Variants in TNKS observed in about 807,000 individuals in gnomAD.
TNKS encodes the protein poly [ADP-ribose] polymerase tankyrase-1.
TNKS carries 72 observed loss-of-function variants against 135.8 expected under a neutral mutation model. That is an observed-to-expected ratio of 0.53 (90% confidence interval 0.44 to 0.64). TNKS has a LOEUF of 0.64. TNKS is among the 30% of genes least tolerant of loss of function. The probability of loss-of-function intolerance (pLI) is 0.00; values close to 1 mark genes in which losing one functional copy is unlikely to be tolerated. For missense variants in TNKS, 1,769 were observed against 1,674.0 expected, an observed-to-expected ratio of 1.06 and a Z score of -0.99; for synonymous variants, 849 against 649.3, an observed-to-expected ratio of 1.31 and a Z score of -4.68.
intron 3 of TNKS, among the ~76,000 whole-genome samples, chr8:9,630,860 G>T (rs1297312547): frequency 6.6e-6 from 1 of 152,136 alleles, no homozygotes; most frequent in African/African-American, 2.4e-5. Context: ...TTATGCTCTA[G>T]AAACATTCTC....
intron 2 of TNKS, among the ~76,000 whole-genome samples, chr8:9,593,818 G>T (rs1798674260): frequency 1.3e-5 from 2 of 152,082 alleles, no homozygotes; most frequent in Admixed American, 1.3e-4. Context: ...GGAAAGAAAT[G>T]TGGAATGAGT....
chr8:9,665,964 C>T (rs573760612), intron 3 of TNKS, among the ~76,000 whole-genome samples: 2 of 152,274 alleles, frequency 1.3e-5, no homozygotes, highest in Non-Finnish European at 2.9e-5. Context: ...TCTTCTTCCT[C>T]CCCTCCTCTT....
intron 3 of TNKS, among the ~76,000 whole-genome samples, chr8:9,677,768 A>G (rs541322266): frequency 6.6e-6 from 1 of 152,168 alleles, no homozygotes; most frequent in Non-Finnish European, 1.5e-5. Context: ...TTAGAGAGAC[A>G]TTCATGATGT....
intron 3 of TNKS, among the ~76,000 whole-genome samples, chr8:9,679,541 T>A (rs1005069027): frequency 1.3e-5 from 2 of 152,208 alleles, no homozygotes; most frequent in African/African-American, 4.8e-5. Flanking sequence ...TAGTAATTTG[T>A]ACCTTTAAAG....
At chr8:9,558,009 G>T (rs1488801508) in intron 1 of TNKS, 1 of 152,108 alleles carries the variant, frequency 6.6e-6, no homozygotes, top group Admixed American at 6.5e-5. Context: ...CCAATTTTTG[G>T]GAGAAGTAGT....
At chr8:9,579,768 C>A (rs1464401659) in intron 1 of TNKS, among the ~76,000 whole-genome samples, 2 of 152,156 alleles carry the variant, frequency 1.3e-5, no homozygotes, top group African/African-American at 4.8e-5. Flanking sequence ...CCCGGCTTAT[C>A]AGCAGTATTT....
At chr8:9,710,529 G>A in intron 11 of TNKS, 1 of 491,390 alleles carries the variant, frequency 2.0e-6, no homozygotes, top group Non-Finnish European at 3.6e-6. Flanking sequence ...TTTTGATAGT[G>A]TCCACTTGAA....
chr8:9,628,180 A>ACG (rs1800137730), intron 3 of TNKS, among the ~76,000 whole-genome samples: 1 of 140,528 alleles, frequency 7.1e-6, no homozygotes, highest in Non-Finnish European at 1.6e-5. Flanking sequence ...AAAAAAAAAC[A>ACG]TTCTTTTGTG....
chr8:9,726,522 A>G, intron 12 of TNKS, 119 bp from the exon 13 acceptor site: 5 of 659,656 alleles, frequency 7.6e-6, no homozygotes, highest in South Asian at 3.0e-5. Context: ...CAAACTAAAT[A>G]ATTTTTCCTC....
intron 2 of TNKS, among the ~76,000 whole-genome samples, chr8:9,593,987 A>G (rs1320218657): frequency 1.3e-5 from 2 of 152,106 alleles, no homozygotes; most frequent in Non-Finnish European, 2.9e-5. Flanking sequence ...CCTGGGTTCA[A>G]GCAATTCTGC....
chr8:9,706,770 A>G, intron 7 of TNKS, 41 bp from the exon 8 acceptor site: 1 of 1,548,514 alleles, frequency 6.5e-7, no homozygotes, highest in African/African-American at 1.4e-5. Context: ...TTGATCCAGC[A>G]AAATGATTAC....
intron 2 of TNKS, among the ~76,000 whole-genome samples, chr8:9,596,307 G>A (rs865795832): frequency 6.6e-6 from 1 of 152,052 alleles, no homozygotes; most frequent in African/African-American, 2.4e-5. Context: ...GCTTCCCTTT[G>A]TACAGTTTTA....
intron 22 of TNKS, 56 bp downstream of exon 22, chr8:9,763,300 C>T: frequency 8.0e-7 from 1 of 1,243,580 alleles, no homozygotes. Flanking sequence ...GGATAAACCT[C>T]TTTTTCTGGA....
At chr8:9,671,375 T>G (rs890385102) in intron 3 of TNKS, among the ~76,000 whole-genome samples, 1 of 152,206 alleles carries the variant, frequency 6.6e-6, no homozygotes, top group Admixed American at 6.5e-5. Context: ...AGCTGGTGAT[T>G]GGATAAACAA....
At chr8:9,606,158 T>TG (rs1554447162) in intron 2 of TNKS, among the ~76,000 whole-genome samples, 1 of 148,000 alleles carries the variant, frequency 6.8e-6, no homozygotes, top group Non-Finnish European at 1.5e-5. Context: ...TTTTGTGTTT[T>TG]TTTTTTTTCT....
At chr8:9,697,315 A>G (rs1413930395) in intron 5 of TNKS, among the ~76,000 whole-genome samples, 1 of 152,156 alleles carries the variant, frequency 6.6e-6, no homozygotes, top group Non-Finnish European at 1.5e-5. Context: ...ATGGATTAAG[A>G]ATTTAATTAT....
intron 3 of TNKS, among the ~76,000 whole-genome samples, chr8:9,634,899 C>A (rs776455738): frequency 6.6e-6 from 1 of 152,164 alleles, no homozygotes; most frequent in East Asian, 1.9e-4. Context: ...ACTGCTCGGC[C>A]GGGCGCGGTG....
Position 9,766,358 on chromosome 8 carries a change from G to T in TNKS, c.3673G>T (p.Val1225Phe). ...AENSSKSNQY[V>F]YGIGGGTGCP... ...AAACTCCTCAAAAAGCAACCAATAT[G>T]TTTATGGAATTGGAGGAGGAACAGG... The change falls in exon 25 of 27, where the codon GTT becomes TTT. Residue 1225 changes from valine to phenylalanine, a missense_variant. Physicochemically the swap from Val to Phe is conservative, Grantham distance 50. Transcript: ENST00000310430. 1 of 1,613,812 alleles carries T rather than the reference G, an allele frequency of 6.2e-7. No homozygotes were observed. The highest frequency in any genetic ancestry group is 8.5e-7 in the Non-Finnish European group (1 of 1,179,908).
chr8:9,715,731 A>G (rs757144241), intron 11 of TNKS, among the ~76,000 whole-genome samples: 3 of 152,324 alleles, frequency 2.0e-5, no homozygotes, highest in Non-Finnish European at 2.9e-5. Context: ...GAGAGTTACA[A>G]GAACATTGGA....
Sources: allele counts gnomAD v4.1 joint callset (sites outside exome capture counted in the v4.1 genomes callset), GRCh38; gene constraint gnomAD v4.1.1; transcripts MANE v1.5; gene names NCBI Gene and HGNC (gene_info 2026-07-23, HGNC 2026-07-21).